The following HACD1 variants were observed in gnomAD, a reference collection of about 807,000 sequenced individuals.
HACD1 encodes the protein 3-hydroxyacyl-CoA dehydratase 1.
HACD1 carries 41 observed loss-of-function variants against 32.0 expected under a neutral mutation model. The observed-to-expected ratio is 1.28, with a 90% CI of 1.00 to 1.66. HACD1 has a LOEUF of 1.66. HACD1 is among the 40% of genes most tolerant of loss of function. The pLI, the probability that HACD1 is intolerant of heterozygous loss-of-function variation, is 0.00. For missense variants in HACD1, 396 were observed against 380.1 expected, an observed-to-expected ratio of 1.04 and a Z score of -0.35; for synonymous variants, 142 against 139.0, an observed-to-expected ratio of 1.02 and a Z score of -0.15.
chr10:17,601,698 T>C (rs1302190807), intron 4 of HACD1, among the ~76,000 whole-genome samples: 2 of 152,192 alleles, frequency 1.3e-5, no homozygotes, highest in Non-Finnish European at 2.9e-5. Context: ...GCTGTCCTCC[T>C]GCTTTTAAAC....
Position 17,617,336 on chromosome 10 carries a change from C to T in HACD1, c.4G>A (p.Gly2Arg). The change falls in exon 1 of 7, where the codon GGG (glycine) becomes AGG (arginine). Residue 2 changes from glycine (G) to arginine (R), a missense_variant. By Grantham distance (125) the Gly-to-Arg change is moderately radical. Coordinates refer to ENST00000361271, the MANE Select transcript of HACD1 (RefSeq NM_014241.4). ...GCTGCCGCCGCTTCCGTCAGGCGCC[C>T]CATGTGCAGCGCGCAGGGGGCTCGG... M[G>R]RLTEAAAAGS... is the part of the protein sequence containing the mutation. 1 of 1,412,930 alleles carries T rather than the reference C, an allele frequency of 7.1e-7. No homozygotes were observed. The highest frequency in any genetic ancestry group is 9.2e-7 in the Non-Finnish European group (1 of 1,089,594). 87.5% of individuals were successfully genotyped at this position (1,412,930 alleles called of 1,614,324 possible). A position where few individuals can be genotyped will look rare whatever the true frequency, so the allele number is the denominator to read the frequency against.
At chr10:17,591,882 G>T (rs1446269342) in intron 6 of HACD1, among the ~76,000 whole-genome samples, 1 of 131,006 alleles carries the variant, frequency 7.6e-6, no homozygotes, top group African/African-American at 2.6e-5. Flanking sequence ...TAAACTCACT[G>T]ACCAATTATT....
Position 17,603,740 on chromosome 10 carries a change from A to G in HACD1, c.380T>C (p.Val127Ala). ...FFQTFALLEI[V>A]HCLIGIVPTS... is the part of the protein sequence containing the mutation. ...CAAAAACTCACCAATTAAACAGTGA[A>G]CTATCTGTAAGCAAATAGAAAAAAA... Residue 127 changes from valine (V) to alanine (A), a missense_variant, in exon 3 of 7, where the codon GTT becomes GCT. Val to Ala is a moderately conservative substitution (Grantham distance 64). Transcript: ENST00000361271. 1.9e-6 allele frequency: 3 copies of G among 1,598,046 alleles called. No homozygotes were observed. Among genetic ancestry groups the G allele is most frequent in the Non-Finnish European group, 1.7e-6 (2 of 1,166,304 alleles).
intron 5 of HACD1, among the ~76,000 whole-genome samples, chr10:17,594,787 TC>T (rs1554815869): frequency 6.6e-6 from 1 of 151,988 alleles, no homozygotes; most frequent in African/African-American, 2.4e-5. Flanking sequence ...TTCTCCTGCC[TC>T]AGCCTCCCAA....
intron 5 of HACD1, among the ~76,000 whole-genome samples, chr10:17,594,856 T>TG (rs1323076980): frequency 5.3e-5 from 8 of 150,286 alleles, no homozygotes; most frequent in African/African-American, 2.0e-4. Context: ...TGTTTTTTTT[T>TG]TTTGTTTTTT....
intron 1 of HACD1, among the ~76,000 whole-genome samples, chr10:17,609,155 G>GTTTTTTGTTTTTTTT (rs1834191518): frequency 7.6e-6 from 1 of 132,128 alleles, no homozygotes; most frequent in African/African-American, 2.9e-5. Context: ...TGTGCAAAAG[G>GTTTTTTGTTTTTTTT]TTTTTTTTTT....
intron 1 of HACD1, 149 bp downstream of exon 1, chr10:17,616,934 C>A (rs1422571965): frequency 7.5e-6 from 7 of 928,446 alleles, no homozygotes; most frequent in Non-Finnish European, 8.4e-6. Context: ...CATTCAACCC[C>A]GGCGGTGGCC....
Position 17,599,236 on chromosome 10 carries a change from C to A in HACD1, c.605+54G>T, listed in dbSNP as rs561126380. ...GAATTTTAATTCTCTGGCGTTAGCACACAAAATAAGCATGCACAGGACAAG... is the reference window on the plus strand; with the variant it reads ...GAATTTTAATTCTCTGGCGTTAGCAAACAAAATAAGCATGCACAGGACAAG... On this transcript the variant is annotated intron_variant, in intron 5 of 6. Transcript: ENST00000361271. 8 of 1,591,814 alleles carry A rather than the reference C, an allele frequency of 5.0e-6. No homozygotes were observed. The South Asian group carries it at 9.1e-5, about 18-fold the overall frequency.
intron 1 of HACD1, among the ~76,000 whole-genome samples, chr10:17,605,527 GAA>G (rs200314155): frequency 0.039 from 4,920 of 126,564 alleles, 117 homozygotes; most frequent in Middle Eastern, 0.068. Flanking sequence ...TCCATCTCGG[GAA>G]AAAAAAAAAA....
intron 6 of HACD1, among the ~76,000 whole-genome samples, chr10:17,592,985 T>A (rs1833947781): frequency 6.6e-6 from 1 of 152,306 alleles, no homozygotes. Flanking sequence ...GTGGATCCCT[T>A]GAGGTCAGGA....
chr10:17,608,949 G>T (rs1371519187), intron 1 of HACD1, among the ~76,000 whole-genome samples: 1 of 152,014 alleles, frequency 6.6e-6, no homozygotes, highest in Non-Finnish European at 1.5e-5. Context: ...AAAAACAAAC[G>T]CTTGAGAAAC....
chr10:17,617,202 G>C lies in HACD1; in HGVS notation c.138C>G (p.Asp46Glu). 2.0e-6 allele frequency: 3 copies of C among 1,499,666 alleles called. No homozygotes were observed. Among genetic ancestry groups the C allele is most frequent in the Non-Finnish European group, 2.7e-6 (3 of 1,129,772 alleles). 92.9% of individuals were successfully genotyped at this position (1,499,666 alleles called of 1,614,324 possible). A position where few individuals can be genotyped will look rare whatever the true frequency, so the allele number is the denominator to read the frequency against. ...CAATMASSDE[D>E]GTNGGASEAG... is the part of the protein sequence containing the mutation. ...CCTCCGAGGCGCCGCCGTTGGTGCCGTCCTCGTCGCTGGACGCCATGGTGG... is the reference window on the plus strand; with the variant it reads ...CCTCCGAGGCGCCGCCGTTGGTGCCCTCCTCGTCGCTGGACGCCATGGTGG... Residue 46 changes from aspartate to glutamate, a missense_variant, in exon 1 of 7, where the codon GAC (aspartate) becomes GAG (glutamate). Coordinates refer to ENST00000361271, the MANE Select transcript of HACD1 (RefSeq NM_014241.4).
chr10:17,603,207 C>T (rs1162726549), intron 4 of HACD1: 1 of 196,664 alleles, frequency 5.1e-6, no homozygotes, highest in Non-Finnish European at 1.0e-5. Flanking sequence ...AAATTGTATA[C>T]TGACAACTTC....
chr10:17,608,577 C>T (rs1212847740), intron 1 of HACD1, among the ~76,000 whole-genome samples: 1 of 152,030 alleles, frequency 6.6e-6, no homozygotes, highest in Non-Finnish European at 1.5e-5. Flanking sequence ...ACCTCAACCT[C>T]CCAGGTTCCA....
intron 1 of HACD1, among the ~76,000 whole-genome samples, chr10:17,604,440 C>T (rs1304020586): frequency 7.2e-6 from 1 of 138,660 alleles, no homozygotes; most frequent in South Asian, 2.2e-4. Flanking sequence ...GGCAAGATCA[C>T]GCCACTGCAC....
chr10:17,613,097 G>GGTGTGTGTGT (rs56074507), intron 1 of HACD1, among the ~76,000 whole-genome samples: 1 of 132,812 alleles, frequency 7.5e-6, no homozygotes, highest in Admixed American at 7.9e-5. Flanking sequence ...TGCAATTTGG[G>GGTGTGTGTGT]GTGTGTGTGT....
intron 1 of HACD1, among the ~76,000 whole-genome samples, chr10:17,616,494 AGT>A (rs1284181795): frequency 6.6e-6 from 1 of 152,062 alleles, no homozygotes; most frequent in Non-Finnish European, 1.5e-5. Flanking sequence ...TAACTTGCAA[AGT>A]CATACTCAAA....
In HACD1 at chr10:17,589,806, TTG is replaced by T. The variant is rs1325612075; in HGVS notation, c.*556_*557del. 2 of 152,176 alleles carry T rather than the reference TTG, an allele frequency of 1.3e-5. No homozygotes were observed. The highest frequency in any genetic ancestry group is 2.4e-5 in the African/African-American group (1 of 41,442). 9.4% of individuals were successfully genotyped at this position (152,176 alleles called of 1,614,324 possible). ...CCAACTGTGACATCTACTTGAATATTTGTGTGTTTTTATGCTGCTACTTTATC... is the reference window on the plus strand; with the variant it reads ...CCAACTGTGACATCTACTTGAATATTTGTGTTTTTATGCTGCTACTTTATC... On this transcript the variant is annotated 3_prime_UTR_variant, in exon 7 of 7. Transcript: ENST00000361271.
At position 17,599,226 on chromosome 10, in the gene HACD1, G is replaced by A. The variant is rs782618277; in HGVS notation, c.605+64C>T. ...GCTGAAACACGAATTTTAATTCTCT[G>A]GCGTTAGCACACAAAATAAGCATGC... On this transcript the variant is annotated intron_variant, in intron 5 of 6. Coordinates refer to ENST00000361271, the MANE Select transcript of HACD1 (RefSeq NM_014241.4). 149 of 1,582,042 alleles carry A rather than the reference G, an allele frequency of 9.4e-5. No individual in the cohort carries two copies. In the African/African-American group the frequency reaches 1.9e-3, roughly 20 times the overall value.
Sources: gnomAD v4.1 joint callset for allele counts (sites outside exome capture counted in the v4.1 genomes callset) on GRCh38, gnomAD v4.1.1 for gene constraint, MANE v1.5 for transcripts, NCBI Gene and HGNC (gene_info 2026-07-23, HGNC 2026-07-21) for gene names.